KPNA6: variants seen among roughly 807,000 people sequenced by gnomAD.
KPNA6 encodes karyopherin subunit alpha 6.
Under a neutral mutation model 72.0 loss-of-function variants are expected in KPNA6, and 9 were observed. That is an observed-to-expected ratio of 0.13 (90% confidence interval 0.08 to 0.22). The LOEUF (loss-of-function observed/expected upper bound fraction) is 0.22, where lower values mean the gene tolerates loss of function less well. KPNA6 is among the 10% of genes least tolerant of loss of function. The pLI is 1.00. For missense variants in KPNA6, 374 were observed against 655.7 expected (o/e 0.57, Z 4.69); for synonymous variants, 219 against 242.1 (o/e 0.90, Z 0.89).
chr1:32,151,173 A>G (rs1642025562), intron 1 of KPNA6, among the ~76,000 whole-genome samples: 2 of 152,026 alleles, frequency 1.3e-5, no homozygotes, highest in Admixed American at 1.3e-4. Context: ...TTTTTTTTAA[A>G]GGATGTAGGG....
intron 12 of KPNA6, among the ~76,000 whole-genome samples, chr1:32,169,663 T>C (rs1642401793): frequency 6.7e-6 from 1 of 150,344 alleles, no homozygotes. Flanking sequence ...GGTTTCACCA[T>C]GTTAGCCAGG....
intron 1 of KPNA6, among the ~76,000 whole-genome samples, chr1:32,124,097 C>A (rs1175518634): frequency 6.7e-6 from 1 of 149,256 alleles, no homozygotes; most frequent in African/African-American, 2.5e-5. Flanking sequence ...ATTTTTAACC[C>A]AAAATTTTTA....
chr1:32,138,564 AAATG>A (rs1205981882), intron 1 of KPNA6, among the ~76,000 whole-genome samples: 2 of 150,838 alleles, frequency 1.3e-5, no homozygotes, highest in African/African-American at 2.5e-5. Flanking sequence ...AAAAAAAAAA[AAATG>A]GAGGTGGAAG....
chr1:32,154,385 A>G (rs567067775), intron 1 of KPNA6, among the ~76,000 whole-genome samples: 8 of 144,638 alleles, frequency 5.5e-5, no homozygotes, highest in Admixed American at 2.1e-4. Flanking sequence ...TTGCTTTAAT[A>G]CCACCTGTTT....
At chr1:32,154,785 C>A in intron 2 of KPNA6, 64 bp downstream of exon 2, 1 of 1,552,762 alleles carries the variant, frequency 6.4e-7, no homozygotes. Context: ...GGTTGGCCTC[C>A]ACCATGCACC....
chr1:32,149,576 G>T (rs1036213276), intron 1 of KPNA6, among the ~76,000 whole-genome samples: 24 of 152,052 alleles, frequency 1.6e-4, no homozygotes, highest in Non-Finnish European at 4.4e-5. Flanking sequence ...CCCTGTTTTT[G>T]TGTGTGTGTC....
chr1:32,158,218 T>A, intron 4 of KPNA6, 49 bp from the exon 5 acceptor site: 1 of 1,268,674 alleles, frequency 7.9e-7, no homozygotes, highest in Non-Finnish European at 1.1e-6. Flanking sequence ...CATGAAGGGA[T>A]CAGCAAAAGC....
At chr1:32,121,152 G>GTA (rs1165450453) in intron 1 of KPNA6, among the ~76,000 whole-genome samples, 1 of 152,106 alleles carries the variant, frequency 6.6e-6, no homozygotes, top group African/African-American at 2.4e-5. Context: ...GATTACAAGC[G>GTA]TAAGCTACTG....
chr1:32,157,579 T>G, intron 4 of KPNA6, 134 bp downstream of exon 4: 1 of 626,030 alleles, frequency 1.6e-6, no homozygotes, highest in Non-Finnish European at 2.8e-6. Flanking sequence ...TTGTACAAGA[T>G]AGACACATTG....
At chr1:32,109,809 T>G (rs1485927812) in intron 1 of KPNA6, among the ~76,000 whole-genome samples, 1 of 151,664 alleles carries the variant, frequency 6.6e-6, no homozygotes, top group Non-Finnish European at 1.5e-5. Flanking sequence ...CACGCCTGGA[T>G]AATTTTTTTT....
intron 1 of KPNA6, among the ~76,000 whole-genome samples, chr1:32,119,779 C>G (rs1034463013): frequency 6.9e-6 from 1 of 144,356 alleles, no homozygotes; most frequent in African/African-American, 2.6e-5. Flanking sequence ...GGGTCTTGCA[C>G]TGTCGCCCAG....
chr1:32,110,218 C>G (rs1641222333), intron 1 of KPNA6, among the ~76,000 whole-genome samples: 1 of 151,818 alleles, frequency 6.6e-6, no homozygotes, highest in Non-Finnish European at 1.5e-5. Flanking sequence ...GCATCCACCA[C>G]CACACCTAGC....
chr1:32,167,265 G>A lies in KPNA6; in HGVS notation c.1213G>A (p.Ala405Thr). 1 of 1,614,128 alleles carries A rather than the reference G, an allele frequency of 6.2e-7. No homozygotes were observed. Among genetic ancestry groups the A allele is most frequent in the Non-Finnish European group, 8.5e-7 (1 of 1,180,018 alleles). Residue 405 changes from alanine (A) to threonine (T), a missense_variant, in exon 12 of 14, where the codon GCC becomes ACC. By Grantham distance (58) the Ala-to-Thr change is moderately conservative (BLOSUM62 0). Transcript: ENST00000373625. Reference sequence around the variant, plus strand: ...AGAGGCAGCCTGGGCCATCACCAATGCCACATCAGGAGGAACCCCTGAGCA... The same window carrying A: ...AGAGGCAGCCTGGGCCATCACCAATACCACATCAGGAGGAACCCCTGAGCA... ...RKEAAWAITN[A>T]TSGGTPEQIR...
chr1:32,170,117 G>T, intron 13 of KPNA6, 57 bp downstream of exon 13: 18 of 1,468,062 alleles, frequency 1.2e-5, no homozygotes, highest in Non-Finnish European at 1.7e-5. Flanking sequence ...CTCCAACGTG[G>T]TATACATATG....
At chr1:32,157,879 T>A (rs939766276) in intron 4 of KPNA6, among the ~76,000 whole-genome samples, 1 of 152,142 alleles carries the variant, frequency 6.6e-6, no homozygotes, top group Non-Finnish European at 1.5e-5. Flanking sequence ...ATAAAAAAAT[T>A]TAATGTATGA....
At chr1:32,126,035 T>C (rs1365505339) in intron 1 of KPNA6, among the ~76,000 whole-genome samples, 2 of 151,762 alleles carry the variant, frequency 1.3e-5, no homozygotes, top group Admixed American at 6.6e-5. Flanking sequence ...TTTTCTTTTT[T>C]CTTTTTATTT....
At chr1:32,128,387 TTATATATATA>T (rs67312157) in intron 1 of KPNA6, among the ~76,000 whole-genome samples, 1,477 of 72,180 alleles carry the variant, frequency 0.02, 39 homozygotes, top group African/African-American at 0.029. Flanking sequence ...ATATATGTAT[TTATATATATA>T]TATATATATA....
chr1:32,110,056 ATTTTTT>A (rs750004100), intron 1 of KPNA6, among the ~76,000 whole-genome samples: 4 of 118,308 alleles, frequency 3.4e-5, no homozygotes, highest in African/African-American at 9.8e-5. Context: ...CTGGAATTGA[ATTTTTT>A]TTTTTTTTTT....
At chr1:32,130,118 C>G (rs1402877675) in intron 1 of KPNA6, among the ~76,000 whole-genome samples, 1 of 152,028 alleles carries the variant, frequency 6.6e-6, no homozygotes, top group Non-Finnish European at 1.5e-5. Context: ...TGAATTTTGC[C>G]TGAGAATGCC....
Sources: gnomAD v4.1 joint callset for allele counts (sites outside exome capture counted in the v4.1 genomes callset) on GRCh38, gnomAD v4.1.1 for gene constraint, MANE v1.5 for transcripts, NCBI Gene and HGNC (gene_info 2026-07-23, HGNC 2026-07-21) for gene names.